The following COL11A1 variants were observed in gnomAD, a reference collection of about 807,000 sequenced individuals.
The protein encoded by COL11A1 is collagen alpha-1(XI) chain.
Under a neutral mutation model 265.2 loss-of-function variants are expected in COL11A1, and 74 were observed. The ratio of observed to expected loss-of-function variants is 0.28; its 90% confidence interval spans 0.23 to 0.34. The LOEUF is 0.34. COL11A1 is among the 10% of genes least tolerant of loss of function. The pLI is 1.00. For synonymous variants in COL11A1, 816 were observed against 727.6 expected, an observed-to-expected ratio of 1.12 and a Z score of -1.96; for missense variants, 2,165 against 2,263.6, an observed-to-expected ratio of 0.96 and a Z score of 0.88.
chr1:102,947,548 A>G (rs1659428160), intron 41 of COL11A1, among the ~76,000 whole-genome samples: 2 of 152,146 alleles, frequency 1.3e-5, no homozygotes, highest in African/African-American at 4.8e-5. Flanking sequence ...TTAGAGTTCT[A>G]TAGGACCACT....
chr1:103,070,026 G>A (rs1343786837), intron 4 of COL11A1, among the ~76,000 whole-genome samples: 3 of 151,166 alleles, frequency 2.0e-5, no homozygotes, highest in Non-Finnish European at 3.0e-5. Flanking sequence ...TGTTAATCAT[G>A]AACCTACCAA....
chr1:102,962,366 A>G (rs1265094253), intron 39 of COL11A1, 101 bp from the exon 40 acceptor site: 2 of 938,440 alleles, frequency 2.1e-6, no homozygotes, highest in Non-Finnish European at 3.5e-6. Context: ...TAAAATGTGA[A>G]TATTATTTAA....
intron 35 of COL11A1, among the ~76,000 whole-genome samples, chr1:102,975,998 G>A (rs891529487): frequency 6.6e-6 from 1 of 151,702 alleles, no homozygotes; most frequent in Non-Finnish European, 1.5e-5. Flanking sequence ...AAAACTACTG[G>A]GCAAATCTTA....
chr1:102,974,692 T>G, intron 36 of COL11A1, 138 bp downstream of exon 36: 2 of 682,758 alleles, frequency 2.9e-6, no homozygotes. Flanking sequence ...TAAAAATGTC[T>G]ACTTTCTTTG....
intron 28 of COL11A1, among the ~76,000 whole-genome samples, chr1:102,992,424 C>T (rs1425655757): frequency 6.6e-6 from 1 of 151,976 alleles, no homozygotes; most frequent in Non-Finnish European, 1.5e-5. Context: ...AATTAGAGTA[C>T]TAACTTGCTA....
chr1:102,946,716 G>A, intron 42 of COL11A1, 133 bp downstream of exon 42: 1 of 740,048 alleles, frequency 1.4e-6, no homozygotes, highest in Admixed American at 2.2e-5. Context: ...ACATATACGA[G>A]CCAGGGTATT....
At chr1:103,078,083 C>G (rs1165420413) in intron 3 of COL11A1, among the ~76,000 whole-genome samples, 1 of 152,052 alleles carries the variant, frequency 6.6e-6, no homozygotes, top group East Asian at 1.9e-4. Flanking sequence ...GCTCAAAAAG[C>G]CTCCAGTAAC....
At chr1:103,050,551 C>T (rs1473199686) in intron 4 of COL11A1, among the ~76,000 whole-genome samples, 1 of 152,056 alleles carries the variant, frequency 6.6e-6, no homozygotes, top group East Asian at 1.9e-4. Context: ...TTCGAACTTC[C>T]TCCTGTGGCT....
chr1:102,888,898 G>T lies in COL11A1; in HGVS notation c.4486C>A (p.Pro1496Thr). The part of the protein sequence containing the change: ...GDGGIPGPAG[P>T]LGPPGPPGLP... ...CCTGGAGGACCAGGTGGACCTAAGG[G>T]ACCAGCAGGACCAGGAATTCCCTAG... Residue 1496 changes from proline to threonine, a missense_variant, in exon 60 of 67, where the codon CCC becomes ACC. By Grantham distance (38) the Pro-to-Thr change is conservative. Coordinates refer to ENST00000370096, the MANE Select transcript of COL11A1 (RefSeq NM_001854.4). 6.2e-7 allele frequency: 1 copy of T among 1,612,244 alleles called. No homozygotes were observed.
chr1:102,981,822 C>T (rs142622638), intron 31 of COL11A1, among the ~76,000 whole-genome samples: 1 of 151,866 alleles, frequency 6.6e-6, no homozygotes, highest in African/African-American at 2.4e-5. Context: ...ATTTTAGAAA[C>T]AGCTATCATT....
At chr1:102,913,879 A>G (rs1654998055) in intron 52 of COL11A1, among the ~76,000 whole-genome samples, 189 bp from the exon 53 acceptor site, 1 of 152,194 alleles carries the variant, frequency 6.6e-6, no homozygotes, top group South Asian at 2.1e-4. Flanking sequence ...AAAAATTTGT[A>G]AAACTGCTAC....
chr1:102,900,131 TGAC>T (rs1040809554), intron 54 of COL11A1, among the ~76,000 whole-genome samples: 4 of 152,132 alleles, frequency 2.6e-5, no homozygotes, highest in Non-Finnish European at 5.9e-5. Context: ...GAGTCAATGA[TGAC>T]ATCATTAGTA....
chr1:102,978,661 A>C, intron 35 of COL11A1, 47 bp downstream of exon 35: 1 of 1,582,600 alleles, frequency 6.3e-7, no homozygotes. Context: ...AAATACTTGC[A>C]GAAATACTAA....
In COL11A1 at chr1:102,973,713, C is replaced by T. The variant is rs138113043; in HGVS notation, c.2808+1117G>A. 1.7e-3 allele frequency among the ~76,000 whole-genome samples: 254 copies of T among 152,154 alleles called. 1 individual carries two copies. The highest frequency in any genetic ancestry group is 0.01 in the Middle Eastern group (3 of 294). On this transcript the variant is annotated intron_variant, in intron 36 of 66. Transcript: ENST00000370096. The stretch of plus-strand genomic sequence containing the variant: ...AGGTTACTTTATATTTAACACTAGC[C>T]ATATGTATCGATCTTTCTATAACCT...
Position 102,879,882 on chromosome 1 carries a change from T to A in COL11A1, c.5075A>T (p.Asn1692Ile), listed in dbSNP as rs771869146. 2 of 1,613,724 alleles carry A rather than the reference T, an allele frequency of 1.2e-6. No individual in the cohort carries two copies. Among genetic ancestry groups the A allele is most frequent in the Non-Finnish European group, 1.7e-6 (2 of 1,179,736 alleles). The change falls in exon 66 of 67, where the codon AAT (asparagine) becomes ATT (isoleucine). Residue 1692 changes from asparagine to isoleucine, a missense_variant. Asn to Ile is a moderately radical substitution (Grantham distance 149). Transcript: ENST00000370096. ...TTTCAGGAATGTCATTTGCACCATA[T>A]TGATGGAATTTCCTTCAACATCTAA... ...SYLDVEGNSI[N>I]MVQMTFLKLL...
chr1:103,029,568 C>T (rs925278736), intron 5 of COL11A1, among the ~76,000 whole-genome samples: 2 of 151,784 alleles, frequency 1.3e-5, no homozygotes, highest in Admixed American at 1.3e-4. Context: ...AAAGAAAAAA[C>T]TTTTTCATTA....
intron 31 of COL11A1, 103 bp from the exon 32 acceptor site, chr1:102,979,538 T>C: frequency 1.3e-6 from 1 of 785,054 alleles, no homozygotes; most frequent in South Asian, 1.5e-5. Context: ...CAGCTGTTAA[T>C]ATTTAAATCA....
intron 54 of COL11A1, among the ~76,000 whole-genome samples, chr1:102,903,573 G>C (rs1225947070): frequency 6.6e-6 from 1 of 152,132 alleles, no homozygotes; most frequent in Non-Finnish European, 1.5e-5. Context: ...AAGGGAAACA[G>C]ATTGTAAGGC....
At chr1:102,917,974 A>G (rs1005794341) in intron 49 of COL11A1, among the ~76,000 whole-genome samples, 1 of 151,548 alleles carries the variant, frequency 6.6e-6, no homozygotes, top group Non-Finnish European at 1.5e-5. Flanking sequence ...AGCTAAAATG[A>G]AATTTAAAAT....
Sources: gnomAD v4.1 joint callset for allele counts (sites outside exome capture counted in the v4.1 genomes callset) on GRCh38, gnomAD v4.1.1 for gene constraint, MANE v1.5 for transcripts, NCBI Gene and HGNC (gene_info 2026-07-23, HGNC 2026-07-21) for gene names.